SDC2: variants seen among roughly 807,000 people sequenced by gnomAD.
The protein encoded by SDC2 is syndecan-2.
In SDC2, 13 loss-of-function variants were observed where a neutral mutation model predicts 22.2. That is an observed-to-expected ratio of 0.59 (90% CI 0.38 to 0.93). The LOEUF (loss-of-function observed/expected upper bound fraction) is 0.93, where lower values mean the gene tolerates loss of function less well. Ranked by LOEUF, SDC2 falls within the 40% of genes least tolerant of loss-of-function variation. The pLI, the probability that SDC2 is intolerant of heterozygous loss-of-function variation, is 0.00. For synonymous variants in SDC2, 94 were observed against 92.8 expected (o/e 1.01, Z -0.07); for missense variants, 235 against 246.8 (o/e 0.95, Z 0.32).
At chr8:96,557,160 C>CTT (rs756661009) in intron 1 of SDC2, among the ~76,000 whole-genome samples, 52,916 of 125,076 alleles carry the variant, frequency 0.42, 10,260 homozygotes, top group Non-Finnish European at 0.57. Flanking sequence ...AATAGGAACA[C>CTT]TTTTACACTG....
At chr8:96,502,319 C>T (rs1284346926) in intron 1 of SDC2, among the ~76,000 whole-genome samples, 3 of 152,144 alleles carry the variant, frequency 2.0e-5, no homozygotes, top group East Asian at 1.9e-4. Flanking sequence ...CACCTGGCCC[C>T]GCCCTTGAAA....
chr8:96,506,382 T>C (rs868151236), intron 1 of SDC2, among the ~76,000 whole-genome samples: 39 of 152,284 alleles, frequency 2.6e-4, no homozygotes, highest in Middle Eastern at 6.8e-3. Context: ...GCTGGGCCTT[T>C]GTATATATCA....
chr8:96,551,871 C>A (rs1258440821), intron 1 of SDC2, among the ~76,000 whole-genome samples: 2 of 152,172 alleles, frequency 1.3e-5, no homozygotes, highest in South Asian at 2.1e-4. Context: ...AGATAATCTC[C>A]ATCTTTCTCC....
At chr8:96,583,349 ATATT>A (rs1327086602) in intron 1 of SDC2, among the ~76,000 whole-genome samples, 1 of 143,866 alleles carries the variant, frequency 7.0e-6, no homozygotes, top group African/African-American at 2.5e-5. Context: ...TATAAAATAT[ATATT>A]ATATATATTA....
intron 1 of SDC2, among the ~76,000 whole-genome samples, chr8:96,583,306 A>G (rs1814622420): frequency 7.1e-6 from 1 of 141,058 alleles, no homozygotes; most frequent in Admixed American, 7.1e-5. Flanking sequence ...TACAATATAT[A>G]TGATATATGT....
At chr8:96,582,419 G>A (rs892286926) in intron 1 of SDC2, among the ~76,000 whole-genome samples, 1 of 152,176 alleles carries the variant, frequency 6.6e-6, no homozygotes, top group Non-Finnish European at 1.5e-5. Flanking sequence ...TTTAACTTCA[G>A]CTTTGAAATT....
chr8:96,520,969 C>CG (rs1382712042), intron 1 of SDC2, among the ~76,000 whole-genome samples: 5 of 152,156 alleles, frequency 3.3e-5, no homozygotes, highest in African/African-American at 1.2e-4. Flanking sequence ...AGGAAGGAAA[C>CG]GGATTGTAGA....
intron 1 of SDC2, among the ~76,000 whole-genome samples, chr8:96,575,399 G>A (rs544275563): frequency 1.4e-4 from 21 of 151,646 alleles, no homozygotes; most frequent in Non-Finnish European, 2.4e-4. Flanking sequence ...GGGTGGTGGC[G>A]GGGAGAGTTT....
intron 4 of SDC2, among the ~76,000 whole-genome samples, chr8:96,609,027 C>A (rs948682581): frequency 6.6e-6 from 1 of 151,640 alleles, no homozygotes; most frequent in African/African-American, 2.4e-5. Flanking sequence ...AATTTTAAGT[C>A]AATTATACTA....
intron 1 of SDC2, among the ~76,000 whole-genome samples, chr8:96,530,068 T>C (rs915311039): frequency 6.6e-6 from 1 of 152,208 alleles, no homozygotes; most frequent in African/African-American, 2.4e-5. Context: ...GGTTTTGCTT[T>C]ACTTTGAGAT....
intron 1 of SDC2, among the ~76,000 whole-genome samples, chr8:96,586,790 T>C (rs914434059): frequency 1.3e-5 from 2 of 152,228 alleles, no homozygotes; most frequent in Non-Finnish European, 2.9e-5. Flanking sequence ...TACGCATGAG[T>C]AAATCATTTA....
In SDC2 at chr8:96,552,657, G is replaced by T. The variant is rs73698141; in HGVS notation, c.61-40823G>T. ...TAAATTTAGGATGGAAGGGGACAAA[G>T]AAGTTTTTAGATTTTTGTCACTGAT... is the stretch of plus-strand genomic sequence containing the variant. On this transcript the variant is annotated intron_variant, in intron 1 of 4. Coordinates refer to ENST00000302190, the MANE Select transcript of SDC2 (RefSeq NM_002998.4). 3.2e-3 allele frequency among the ~76,000 whole-genome samples: 489 copies of T among 152,270 alleles called. 2 individuals carry two copies. Among genetic ancestry groups the T allele is most frequent in the African/African-American group, 0.011 (447 of 41,574 alleles).
intron 3 of SDC2, among the ~76,000 whole-genome samples, chr8:96,603,193 C>T (rs1279005221): frequency 6.6e-6 from 1 of 152,192 alleles, no homozygotes; most frequent in African/African-American, 2.4e-5. Flanking sequence ...GAAGTTAGAA[C>T]ATGCATATTA....
At chr8:96,557,056 A>C (rs111281699) in intron 1 of SDC2, among the ~76,000 whole-genome samples, 26,415 of 149,842 alleles carry the variant, frequency 0.18, 2,509 homozygotes, top group East Asian at 0.38. Flanking sequence ...AGAGAAATGC[A>C]AATCAAAACC....
intron 1 of SDC2, among the ~76,000 whole-genome samples, chr8:96,582,331 A>G (rs1464479523): frequency 6.6e-6 from 1 of 151,402 alleles, no homozygotes; most frequent in Non-Finnish European, 1.5e-5. Context: ...AATATGAATA[A>G]TCTCTTTGAC....
At chr8:96,604,084 C>A (rs1480136726) in intron 3 of SDC2, among the ~76,000 whole-genome samples, 2 of 152,176 alleles carry the variant, frequency 1.3e-5, no homozygotes, top group East Asian at 1.9e-4. Context: ...TTGACCACTT[C>A]TCTTGACTAA....
At chr8:96,601,790 C>T (rs369656079) in intron 2 of SDC2, among the ~76,000 whole-genome samples, 9 of 151,998 alleles carry the variant, frequency 5.9e-5, no homozygotes, top group Middle Eastern at 3.4e-3. Context: ...GGCAGAGTCT[C>T]ACCCTGCCAC....
chr8:96,602,533 G>A lies in SDC2; in HGVS notation c.306+5G>A, dbSNP rs565049131. 3.1e-5 allele frequency: 50 copies of A among 1,613,754 alleles called. No homozygotes were observed. Among genetic ancestry groups the A allele is most frequent in the East Asian group, 4.5e-5 (2 of 44,888 alleles). Reference sequence around the variant, plus strand: ...AAGATACCTGCTCAGACAAAGGTGCGTTCTATTTTCCATTGCATTGCATTA... The same window carrying A: ...AAGATACCTGCTCAGACAAAGGTGCATTCTATTTTCCATTGCATTGCATTA... On this transcript the variant is annotated splice_donor_5th_base_variant and intron_variant, in intron 3 of 4. Coordinates refer to ENST00000302190, the MANE Select transcript of SDC2 (RefSeq NM_002998.4).
chr8:96,493,868 A>C lies in SDC2; in HGVS notation c.-404A>C. 1 of 177,008 alleles carries C rather than the reference A, an allele frequency of 5.6e-6. No homozygotes were observed. Among genetic ancestry groups the C allele is most frequent in the Non-Finnish European group, 1.2e-5 (1 of 84,158 alleles). 11.0% of individuals were successfully genotyped at this position (177,008 alleles called of 1,614,324 possible). On this transcript the variant is annotated 5_prime_UTR_variant, in exon 1 of 5. Transcript: ENST00000302190. ...CGCGCGCTCCCGCCGCTCTGCCCCT[A>C]AACTTCTGCCGTAGCTCCCTTTCAA...
Sources: allele counts gnomAD v4.1 joint callset (sites outside exome capture counted in the v4.1 genomes callset), GRCh38; gene constraint gnomAD v4.1.1; transcripts MANE v1.5; gene names NCBI Gene and HGNC (gene_info 2026-07-23, HGNC 2026-07-21).